The following SIPA1L3 variants were observed in gnomAD, a reference collection of about 807,000 sequenced individuals.
SIPA1L3 encodes the protein signal-induced proliferation-associated 1-like protein 3.
In SIPA1L3, 59 loss-of-function variants were observed where a neutral mutation model predicts 150.1. The observed-to-expected ratio is 0.39, with a 90% CI of 0.32 to 0.49. The LOEUF (loss-of-function observed/expected upper bound fraction) is 0.49. Among genes scored for constraint, SIPA1L3 ranks in the 20% least tolerant of loss-of-function variants. The pLI is 0.86. For synonymous variants in SIPA1L3, 1,070 were observed against 1,077.6 expected (o/e 0.99, Z 0.14); for missense variants, 2,211 against 2,489.5 (o/e 0.89, Z 2.38).
At chr19:37,936,016 C>T (rs1235118972) in intron 1 of SIPA1L3, among the ~76,000 whole-genome samples, 2 of 152,138 alleles carry the variant, frequency 1.3e-5, no homozygotes, top group African/African-American at 2.4e-5. Context: ...CTCCAGGTCA[C>T]CATCCTTAGC....
chr19:38,188,013 A>G (rs930817486), intron 16 of SIPA1L3, among the ~76,000 whole-genome samples: 2 of 151,996 alleles, frequency 1.3e-5, no homozygotes, highest in African/African-American at 4.8e-5. Flanking sequence ...AAAAAATTGC[A>G]TATATAAAAT....
At chr19:38,117,899 C>T (rs58940539) in intron 8 of SIPA1L3, among the ~76,000 whole-genome samples, 1 of 152,106 alleles carries the variant, frequency 6.6e-6, no homozygotes, top group Non-Finnish European at 1.5e-5. Flanking sequence ...GATTCTCCTG[C>T]CTCAGCCTCC....
chr19:38,134,828 T>C (rs1434518280), intron 10 of SIPA1L3, among the ~76,000 whole-genome samples: 1 of 150,590 alleles, frequency 6.6e-6, no homozygotes, highest in Non-Finnish European at 1.5e-5. Context: ...ATAACCCACA[T>C]TGGATAGGGT....
intron 6 of SIPA1L3, among the ~76,000 whole-genome samples, chr19:38,105,954 A>G (rs1970614054): frequency 6.6e-6 from 1 of 152,116 alleles, no homozygotes; most frequent in Non-Finnish European, 1.5e-5. Context: ...AAGTTTTCCA[A>G]AGTGCTTGTA....
At position 38,105,741 on chromosome 19, in the gene SIPA1L3, C is replaced by T. The variant is rs142581931; in HGVS notation, c.2030-796C>T. ...AGAGGATTTCCCCATGCTGCAGCCG[C>T]GACTCATTCCTTTTCCTGGCTGTAT... On this transcript the variant is annotated intron_variant, in intron 6 of 21. Coordinates refer to ENST00000222345, the MANE Select transcript of SIPA1L3 (RefSeq NM_015073.3). 5.5e-4 allele frequency among the ~76,000 whole-genome samples: 84 copies of T among 152,300 alleles called. 1 individual carries two copies. In the Middle Eastern group the frequency reaches 0.01, roughly 19 times the overall value.
chr19:38,103,640 A>AG (rs918725828), intron 6 of SIPA1L3, among the ~76,000 whole-genome samples: 15 of 148,864 alleles, frequency 1.0e-4, no homozygotes, highest in Non-Finnish European at 1.8e-4. Flanking sequence ...AAAAAAAAAA[A>AG]GGGGCCGGGC....
At chr19:38,050,033 C>T (rs1375913264) in intron 2 of SIPA1L3, among the ~76,000 whole-genome samples, 1 of 152,160 alleles carries the variant, frequency 6.6e-6, no homozygotes, top group Non-Finnish European at 1.5e-5. Flanking sequence ...CTGACCCTGC[C>T]ATGTAACCCA....
intron 10 of SIPA1L3, among the ~76,000 whole-genome samples, chr19:38,137,373 G>A (rs1442992887): frequency 1.3e-5 from 2 of 152,090 alleles, no homozygotes; most frequent in South Asian, 2.1e-4. Context: ...ATTTTTAGTA[G>A]AGATGGGGTT....
intron 1 of SIPA1L3, among the ~76,000 whole-genome samples, chr19:37,987,330 A>G (rs538295461): frequency 6.6e-6 from 1 of 152,288 alleles, no homozygotes; most frequent in South Asian, 2.1e-4. Flanking sequence ...TCAGATGTGT[A>G]GAATCTGGGA....
At chr19:38,066,384 T>A (rs1969592848) in intron 2 of SIPA1L3, among the ~76,000 whole-genome samples, 1 of 152,118 alleles carries the variant, frequency 6.6e-6, no homozygotes, top group African/African-American at 2.4e-5. Flanking sequence ...CACTTAACCC[T>A]TCTTGTGCTG....
Position 38,081,752 on chromosome 19 carries a change from G to A in SIPA1L3, c.187G>A (p.Ala63Thr), listed in dbSNP as rs768566893. The A allele has an allele frequency of 6.3e-6, 10 of 1,599,242 alleles. No homozygotes were observed. The highest frequency in any genetic ancestry group is 3.3e-5 in the South Asian group (3 of 90,342). The change falls in exon 3 of 22, where the codon GCC becomes ACC. Residue 63 changes from alanine (A) to threonine (T), a missense_variant. Physicochemically the swap from Ala to Thr is moderately conservative, Grantham distance 58. Transcript: ENST00000222345. ...GGCCACCGCCACCGCCACCGCCACC[G>A]CCACCACCCGCCCCAGCCCCACCAC... ...SPATATATAT[A>T]TTRPSPTTPA... is the part of the protein sequence containing the mutation.
At chr19:38,001,019 T>C (rs984905996) in intron 1 of SIPA1L3, among the ~76,000 whole-genome samples, 1 of 149,944 alleles carries the variant, frequency 6.7e-6, no homozygotes, top group Non-Finnish European at 1.5e-5. Flanking sequence ...TACACATATA[T>C]ATCACACACA....
chr19:38,094,743 G>A (rs931546566), intron 4 of SIPA1L3, among the ~76,000 whole-genome samples: 6 of 152,028 alleles, frequency 3.9e-5, no homozygotes, highest in Non-Finnish European at 8.8e-5. Context: ...GACCAACCTG[G>A]ACAACGTAGC....
chr19:37,970,133 G>C (rs1212794983), intron 1 of SIPA1L3, among the ~76,000 whole-genome samples: 2 of 152,226 alleles, frequency 1.3e-5, no homozygotes, highest in East Asian at 1.9e-4. Flanking sequence ...CATTGGACTA[G>C]AGCAGGGAAC....
chr19:38,032,714 C>T (rs964418104), intron 2 of SIPA1L3, among the ~76,000 whole-genome samples: 1 of 151,992 alleles, frequency 6.6e-6, no homozygotes, highest in African/African-American at 2.4e-5. Context: ...ATTAGCCAAC[C>T]GTGGTGGCAC....
At chr19:38,040,932 T>C (rs1027556768) in intron 2 of SIPA1L3, among the ~76,000 whole-genome samples, 2 of 151,714 alleles carry the variant, frequency 1.3e-5, no homozygotes, top group African/African-American at 4.8e-5. Flanking sequence ...AGCTAATTTT[T>C]TTGAATTTTT....
intron 19 of SIPA1L3, among the ~76,000 whole-genome samples, chr19:38,199,676 G>A (rs900521022): frequency 4.6e-5 from 7 of 152,136 alleles, no homozygotes; most frequent in African/African-American, 7.2e-5. Context: ...GTGCCTCCCC[G>A]GGAGCCGGAA....
In SIPA1L3 at chr19:38,164,657, C is replaced by G. The variant is rs762898247; in HGVS notation, c.3959C>G (p.Pro1320Arg). Reference protein sequence around the residue: ...GIDTTLYTSSPSCMSLAKAPR... With the variant: ...GIDTTLYTSSRSCMSLAKAPR... ...GACACCACCCTCTACACCTCCAGCC[C>G]TAGCTGCATGTCCCTGGCCAAGGCT... The change falls in exon 15 of 22, where the codon CCT becomes CGT. Residue 1320 changes from proline to arginine, a missense_variant. This residue lies in a region of SIPA1L3 where 806 missense variants were observed against 870.1 expected (regional missense o/e 0.93). Coordinates refer to ENST00000222345, the MANE Select transcript of SIPA1L3 (RefSeq NM_015073.3). The surrounding 1 kb of genome is among the most constrained non-coding windows in gnomAD (Gnocchi z 4.1). 3 of 1,614,204 alleles carry G rather than the reference C, an allele frequency of 1.9e-6. No homozygotes were observed. Among genetic ancestry groups the G allele is most frequent in the Non-Finnish European group, 1.7e-6 (2 of 1,180,034 alleles).
intron 17 of SIPA1L3, among the ~76,000 whole-genome samples, 190 bp downstream of exon 17, chr19:38,192,500 G>A (rs1972826529): frequency 6.6e-6 from 1 of 152,222 alleles, no homozygotes; most frequent in Non-Finnish European, 1.5e-5. Context: ...CAGCGCATTG[G>A]TCTGGGATGG....
Sources: allele counts gnomAD v4.1 joint callset (sites outside exome capture counted in the v4.1 genomes callset), GRCh38; gene constraint gnomAD v4.1.1; regional missense constraint gnomAD v4.1.1; non-coding constraint Gnocchi (gnomAD v3.1); transcripts MANE v1.5; gene names NCBI Gene and HGNC (gene_info 2026-07-23, HGNC 2026-07-21).